Variants in FAT3 observed in about 807,000 individuals in gnomAD.
FAT3 encodes the protein protocadherin Fat 3.
Under a neutral mutation model 310.2 loss-of-function variants are expected in FAT3, and 95 were observed. The observed-to-expected ratio is 0.31, with a 90% CI of 0.26 to 0.36. The LOEUF (loss-of-function observed/expected upper bound fraction) is 0.36, where lower values mean the gene tolerates loss of function less well. FAT3 is among the 10% of genes least tolerant of loss of function. The pLI, the probability that FAT3 is intolerant of heterozygous loss-of-function variation, is 1.00. For missense variants in FAT3, 5,408 were observed against 5,715.6 expected, an observed-to-expected ratio of 0.95 and a Z score of 1.74; for synonymous variants, 2,314 against 2,192.9, an observed-to-expected ratio of 1.06 and a Z score of -1.54.
chr11:92,790,131 A>G lies in FAT3; in HGVS notation c.4524A>G (p.Lys1508=), dbSNP rs1410033218. The change falls in exon 8 of 28, where the codon AAA becomes AAG. Residue 1508 remains lysine, a synonymous_variant. Transcript: ENST00000525166. ...GCATCGACTCCATCAGCATGAGAAAATTCCGGATTGACCCTAGCACTGGCG... is the reference window on the plus strand; with the variant it reads ...GCATCGACTCCATCAGCATGAGAAAGTTCCGGATTGACCCTAGCACTGGCG... ...HSSIDSISMR[K]FRIDPSTGVL... is the part of the protein sequence containing the mutation. 4 of 1,613,694 alleles carry G rather than the reference A, an allele frequency of 2.5e-6. No individual in the cohort carries two copies. The highest frequency in any genetic ancestry group is 3.4e-6 in the Non-Finnish European group (4 of 1,179,750).
At chr11:92,754,382 T>G (rs1218836588) in intron 4 of FAT3, among the ~76,000 whole-genome samples, 1 of 151,428 alleles carries the variant, frequency 6.6e-6, no homozygotes, top group Non-Finnish European at 1.5e-5. Context: ...TACCAGCAGT[T>G]TGGGAGGCCG....
chr11:92,606,048 GCTT>G (rs1235937244), intron 3 of FAT3, among the ~76,000 whole-genome samples: 1 of 152,130 alleles, frequency 6.6e-6, no homozygotes, highest in Admixed American at 6.6e-5. Context: ...GTATTATAAA[GCTT>G]CTGTGTTTTT....
intron 9 of FAT3, among the ~76,000 whole-genome samples, chr11:92,796,796 G>T (rs1435169689): frequency 6.6e-6 from 1 of 152,176 alleles, no homozygotes; most frequent in Non-Finnish European, 1.5e-5. Context: ...TCCACATTGT[G>T]TCTTCCCCAT....
chr11:92,362,381 G>T (rs1395674364), intron 2 of FAT3, among the ~76,000 whole-genome samples: 3 of 152,174 alleles, frequency 2.0e-5, no homozygotes, highest in Non-Finnish European at 4.4e-5. Flanking sequence ...TCTCCCATTT[G>T]CCTCTCTGAT....
chr11:92,335,908 A>G (rs1451754171), intron 1 of FAT3: 1 of 263,292 alleles, frequency 3.8e-6, no homozygotes, highest in Non-Finnish European at 7.4e-6. Flanking sequence ...TTTCAAAAAC[A>G]TCAGATTGGT....
At chr11:92,552,758 A>G (rs1277151688) in intron 3 of FAT3, among the ~76,000 whole-genome samples, 1 of 148,938 alleles carries the variant, frequency 6.7e-6, no homozygotes, top group Non-Finnish European at 1.5e-5. Context: ...CACTTTCATA[A>G]TATCTTAAAA....
chr11:92,598,914 C>T (rs1018249052), intron 3 of FAT3, among the ~76,000 whole-genome samples: 7 of 152,158 alleles, frequency 4.6e-5, no homozygotes, highest in Non-Finnish European at 8.8e-5. Context: ...GATCCTAGTG[C>T]AAAAATAAAT....
intron 1 of FAT3, among the ~76,000 whole-genome samples, chr11:92,329,080 T>C (rs1024259635): frequency 2.7e-5 from 4 of 148,762 alleles, no homozygotes; most frequent in Non-Finnish European, 5.9e-5. Context: ...TTTTTGAGTG[T>C]GTAATCATCC....
intron 1 of FAT3, among the ~76,000 whole-genome samples, chr11:92,228,408 A>G (rs1864014976): frequency 1.3e-5 from 2 of 152,168 alleles, no homozygotes; most frequent in African/African-American, 2.4e-5. Flanking sequence ...TAAACAGTGG[A>G]TACCCACTGA....
intron 2 of FAT3, among the ~76,000 whole-genome samples, chr11:92,365,737 A>G (rs1949002041): frequency 6.6e-6 from 1 of 152,192 alleles, no homozygotes; most frequent in Admixed American, 6.5e-5. Context: ...GAGGCATTTC[A>G]CTGCCTTGAA....
chr11:92,440,117 A>G (rs1486948133), intron 2 of FAT3, among the ~76,000 whole-genome samples: 1 of 151,968 alleles, frequency 6.6e-6, no homozygotes, highest in East Asian at 1.9e-4. Flanking sequence ...TGTGTTCTAG[A>G]TGGAAAGTAC....
At chr11:92,884,262 G>T (rs144441648) in intron 24 of FAT3, among the ~76,000 whole-genome samples, 5 of 152,200 alleles carry the variant, frequency 3.3e-5, no homozygotes, top group Admixed American at 3.3e-4. Flanking sequence ...TTTTAAGTAA[G>T]TGACTGGCAT....
intron 2 of FAT3, among the ~76,000 whole-genome samples, chr11:92,443,409 A>T (rs1266189091): frequency 6.6e-6 from 1 of 152,164 alleles, no homozygotes; most frequent in East Asian, 1.9e-4. Flanking sequence ...AACACAGCTC[A>T]ATTTTTAAAA....
At chr11:92,703,052 G>A (rs1591626457) in intron 4 of FAT3, among the ~76,000 whole-genome samples, 1 of 152,160 alleles carries the variant, frequency 6.6e-6, no homozygotes, top group East Asian at 1.9e-4. Flanking sequence ...ATATTATTTA[G>A]TATCTGTCTT....
intron 1 of FAT3, among the ~76,000 whole-genome samples, chr11:92,249,942 A>T (rs1262018486): frequency 6.6e-6 from 1 of 152,144 alleles, no homozygotes; most frequent in Non-Finnish European, 1.5e-5. Context: ...CTGGTGCAAG[A>T]TAGAACAGAC....
At chr11:92,840,485 T>G in intron 17 of FAT3, 77 bp from the exon 18 acceptor site, 1 of 1,293,652 alleles carries the variant, frequency 7.7e-7, no homozygotes, top group Non-Finnish European at 1.0e-6. Flanking sequence ...ATTTTTGATT[T>G]GTTTTGTTTT....
At chr11:92,735,561 G>A (rs1591663692) in intron 4 of FAT3, among the ~76,000 whole-genome samples, 1 of 55,482 alleles carries the variant, frequency 1.8e-5, no homozygotes, top group South Asian at 4.7e-4. Context: ...GATGAGCATA[G>A]ATAGATAGAT....
At chr11:92,785,766 T>C (rs552977757) in intron 7 of FAT3, among the ~76,000 whole-genome samples, 12 of 149,816 alleles carry the variant, frequency 8.0e-5, no homozygotes, top group African/African-American at 3.1e-4. Context: ...GAAGTCAGTT[T>C]TCCTTTATTA....
At chr11:92,870,459 C>T (rs755641939) in intron 22 of FAT3, among the ~76,000 whole-genome samples, 11 of 151,906 alleles carry the variant, frequency 7.2e-5, no homozygotes, top group African/African-American at 2.2e-4. Context: ...GGCTCTCTCT[C>T]GGTAAAGCCT....
Sources: allele counts gnomAD v4.1 joint callset (sites outside exome capture counted in the v4.1 genomes callset), GRCh38; gene constraint gnomAD v4.1.1; transcripts MANE v1.5; gene names NCBI Gene and HGNC (gene_info 2026-07-23, HGNC 2026-07-21).